The following MECR variants were observed in gnomAD, a reference collection of about 807,000 sequenced individuals.
The protein encoded by MECR is mitochondrial trans-2-enoyl-CoA reductase.
A neutral mutation model predicts 49.1 loss-of-function variants in MECR; 37 were observed. That is an observed-to-expected ratio of 0.75 (90% CI 0.58 to 0.99). The LOEUF (loss-of-function observed/expected upper bound fraction) is 0.99, where lower values mean the gene tolerates loss of function less well. Ranked by LOEUF, MECR falls within the 50% of genes least tolerant of loss-of-function variation. The probability of loss-of-function intolerance (pLI) is 0.00; values close to 1 mark genes in which losing one functional copy is unlikely to be tolerated. For missense variants in MECR, 470 were observed against 479.6 expected (o/e 0.98, Z 0.19); for synonymous variants, 198 against 191.1 (o/e 1.04, Z -0.30).
intron 1 of MECR, chr1:29,220,775 C>G: frequency 4.9e-6 from 2 of 405,998 alleles, no homozygotes; most frequent in South Asian, 2.0e-4. Context: ...TGGGATAACA[C>G]GAGAACTCAG....
At chr1:29,189,195 C>T (rs547231557), downstream of MECR, among the ~76,000 whole-genome samples, 1 of 144,656 alleles carries the variant, frequency 6.9e-6, no homozygotes, top group African/African-American at 2.9e-5. Flanking sequence ...CCTTGGCCCC[C>T]CAAAGTGCTG....
Position 29,230,720 on chromosome 1 carries a change from C to T in MECR, c.176+11G>A. On this transcript the variant is annotated intron_variant, in intron 1 of 9. Transcript: ENST00000263702. The stretch of plus-strand genomic sequence containing the variant: ...CCAGTCCCCTTCCCCGGCTTCGGCG[C>T]CGTCTCTTACTCGACGACCTTGGCT... The T allele has an allele frequency of 6.4e-7, 1 of 1,565,846 alleles. No individual in the cohort carries two copies. Among genetic ancestry groups the T allele is most frequent in the Non-Finnish European group, 8.7e-7 (1 of 1,154,966 alleles).
chr1:29,216,448 A>T, intron 2 of MECR, 140 bp downstream of exon 2: 1 of 921,554 alleles, frequency 1.1e-6, no homozygotes, highest in Non-Finnish European at 1.7e-6. Flanking sequence ...GACAGGGCTG[A>T]CACAGCCTGC....
chr1:29,204,569 T>C (rs992897571), intron 4 of MECR, among the ~76,000 whole-genome samples: 42 of 152,242 alleles, frequency 2.8e-4, no homozygotes, highest in African/African-American at 9.6e-4. Flanking sequence ...TTCCTATTTG[T>C]ATAAACTGAT....
At chr1:29,174,866 G>A in the MECR span, among the ~76,000 whole-genome samples, 2 of 151,436 alleles carry the variant, frequency 1.3e-5, no homozygotes, top group African/African-American at 4.8e-5. Context: ...TAGAGACAGG[G>A]TTTCACCATG....
At chr1:29,173,494 TCTCA>T in the MECR span, 4 of 123,264 alleles carry the variant, frequency 3.2e-5, no homozygotes, top group Admixed American at 3.8e-4. Context: ...TGAGATGGAG[TCTCA>T]CTCTGTTGCC....
the MECR span, among the ~76,000 whole-genome samples, chr1:29,187,189 G>A: frequency 3.3e-5 from 5 of 152,104 alleles, no homozygotes; most frequent in Admixed American, 6.6e-5. Flanking sequence ...AGTACAGCCT[G>A]GCACACACAG....
chr1:29,194,067 G>T lies in MECR; in HGVS notation c.1077C>A (p.Ala359=). 6.2e-7 allele frequency: 1 copy of T among 1,614,196 alleles called. No homozygotes were observed. The highest frequency in any genetic ancestry group is 8.5e-7 in the Non-Finnish European group (1 of 1,180,036). The change falls in exon 10 of 10, where the codon GCC becomes GCA. Residue 359 remains alanine, a synonymous_variant. Coordinates refer to ENST00000263702, the MANE Select transcript of MECR (RefSeq NM_016011.5). Reference sequence around the variant, plus strand: ...TTGAAGATATGAAGGGCTTCATGGAGGCTTCCAAGGCAGACTGGTAGTCCT... The same window carrying T: ...TTGAAGATATGAAGGGCTTCATGGATGCTTCCAAGGCAGACTGGTAGTCCT... The part of the protein sequence containing the change: ...PLQDYQSALE[A]SMKPFISSKQ...
At chr1:29,181,572 T>C in the MECR span, 1 of 1,314,926 alleles carries the variant, frequency 7.6e-7, no homozygotes, top group South Asian at 1.4e-5. Flanking sequence ...GGCGTCCCTC[T>C]CCCGTCCCCG....
At chr1:29,212,255 C>T (rs539469100) in intron 3 of MECR, among the ~76,000 whole-genome samples, 6 of 152,264 alleles carry the variant, frequency 3.9e-5, no homozygotes, top group African/African-American at 1.4e-4. Context: ...CCCATCTCTA[C>T]TAAAAGTACA....
downstream of MECR, among the ~76,000 whole-genome samples, chr1:29,189,745 A>G (rs1046080824): frequency 1.3e-5 from 2 of 151,732 alleles, no homozygotes; most frequent in Non-Finnish European, 2.9e-5. Flanking sequence ...CCTCCTCCAA[A>G]CTGTCCTCCG....
At chr1:29,195,250 G>A (rs972889369) in intron 9 of MECR, among the ~76,000 whole-genome samples, 1 of 152,172 alleles carries the variant, frequency 6.6e-6, no homozygotes, top group African/African-American at 2.4e-5. Flanking sequence ...AGTGCTCCAG[G>A]TCGCTCGGAA....
intron 7 of MECR, among the ~76,000 whole-genome samples, chr1:29,200,130 A>G (rs1195026780): frequency 6.6e-6 from 1 of 152,222 alleles, no homozygotes; most frequent in Non-Finnish European, 1.5e-5. Context: ...TGTAATAAGC[A>G]TAATGTTACC....
the MECR span, chr1:29,172,639 GGGCATGC>G: frequency 6.6e-6 from 1 of 152,294 alleles, no homozygotes; most frequent in Non-Finnish European, 1.5e-5. Context: ...CCCATCACAC[GGGCATGC>G]TCATACACTG....
intron 1 of MECR, among the ~76,000 whole-genome samples, chr1:29,226,140 G>A (rs971675567): frequency 7.0e-5 from 9 of 128,266 alleles, no homozygotes; most frequent in Middle Eastern, 6.0e-3. Flanking sequence ...CTGCACTCCA[G>A]CCTGGGGGAC....
At chr1:29,223,405 A>G in intron 1 of MECR, 1 of 408,694 alleles carries the variant, frequency 2.4e-6, no homozygotes, top group Non-Finnish European at 3.3e-6. Flanking sequence ...CTGCTGAGAT[A>G]TCTTTCCTGC....
chr1:29,216,261 C>T, intron 2 of MECR, 125 bp from the exon 3 acceptor site: 1 of 1,125,184 alleles, frequency 8.9e-7, no homozygotes, highest in East Asian at 2.4e-5. Context: ...TAACCAACCT[C>T]TGAGCCTTAG....
the MECR span, among the ~76,000 whole-genome samples, chr1:29,177,445 C>T: frequency 4.6e-5 from 7 of 152,094 alleles, no homozygotes; most frequent in Admixed American, 4.6e-4. Context: ...CGACGCCCGG[C>T]TAACTTTGTA....
chr1:29,190,084 C>T (rs570792307), downstream of MECR, among the ~76,000 whole-genome samples: 1 of 152,234 alleles, frequency 6.6e-6, no homozygotes, highest in African/African-American at 2.4e-5. Flanking sequence ...TCTTGCTGTA[C>T]ATAGTCAAGG....
Sources: gnomAD v4.1 joint callset for allele counts (sites outside exome capture counted in the v4.1 genomes callset) on GRCh38, gnomAD v4.1.1 for gene constraint, MANE v1.5 for transcripts, NCBI Gene and HGNC (gene_info 2026-07-23, HGNC 2026-07-21) for gene names.